Variants in MCF2L2 observed in about 807,000 individuals in gnomAD.
MCF2L2 encodes MCF.2 cell line derived transforming sequence-like 2.
A neutral mutation model predicts 150.2 loss-of-function variants in MCF2L2; 102 were observed. The observed-to-expected ratio is 0.68, with a 90% CI of 0.58 to 0.80. The LOEUF (loss-of-function observed/expected upper bound fraction) is 0.80, where lower values mean the gene tolerates loss of function less well. Ranked by LOEUF, MCF2L2 falls within the 30% of genes least tolerant of loss-of-function variation. The pLI is 0.00. For synonymous variants in MCF2L2, 465 were observed against 491.3 expected, an observed-to-expected ratio of 0.95 and a Z score of 0.71; for missense variants, 1,256 against 1,372.8, an observed-to-expected ratio of 0.91 and a Z score of 1.34.
intron 5 of MCF2L2, among the ~76,000 whole-genome samples, chr3:183,337,568 A>AAG (rs1553783551): frequency 6.0e-4 from 91 of 151,066 alleles, no homozygotes; most frequent in African/African-American, 2.1e-3. Flanking sequence ...AAAAAAAAAA[A>AAG]AAGAAGAAAA....
chr3:183,266,790 CTT>C (rs113393313), intron 15 of MCF2L2, among the ~76,000 whole-genome samples: 9 of 143,604 alleles, frequency 6.3e-5, no homozygotes, highest in Admixed American at 6.9e-5. Flanking sequence ...GTGTTTCAGT[CTT>C]TTTTTTTTTT....
intron 27 of MCF2L2, among the ~76,000 whole-genome samples, chr3:183,187,538 A>G (rs2653845): frequency 0.9 from 136,969 of 152,148 alleles, 61,756 homozygotes; most frequent in East Asian, 1. Flanking sequence ...GCATCATCTC[A>G]GCTCACTGCA....
intron 23 of MCF2L2, among the ~76,000 whole-genome samples, chr3:183,206,955 A>G (rs10937117): frequency 1.8e-3 from 124 of 68,404 alleles, no homozygotes; most frequent in African/African-American, 3.0e-3. Flanking sequence ...GGAAGGAAGG[A>G]AGGAAGGAAG....
Position 183,187,246 on chromosome 3 carries a change from C to A in MCF2L2, c.3016+5753G>T, listed in dbSNP as rs189460114. Reference sequence around the variant, plus strand: ...TGCTATACCGGATAGCTCCTAGGCCCCCTTGGAGACCCTGAGGTACCCGAC... The same window carrying A: ...TGCTATACCGGATAGCTCCTAGGCCACCTTGGAGACCCTGAGGTACCCGAC... On this transcript the variant is annotated intron_variant, in intron 27 of 29. Coordinates refer to ENST00000328913, the MANE Select transcript of MCF2L2 (RefSeq NM_015078.4). Among the ~76,000 whole-genome samples, 3 of 152,252 alleles carry A rather than the reference C, an allele frequency of 2.0e-5. No homozygotes were observed. In the East Asian group the frequency reaches 5.8e-4, roughly 29 times the overall value.
rs201920674 is a variant in MCF2L2 at position 183,295,344 on chromosome 3, G to A, written c.1631C>T (p.Ser544Leu). 6.2e-7 allele frequency: 1 copy of A among 1,612,948 alleles called. No homozygotes were observed. Among genetic ancestry groups the A allele is most frequent in the South Asian group, 1.1e-5 (1 of 90,912 alleles). ...GGTTTTTGATGACACCCATTTTGGTGAAGACTCAGGATGTGGGGCCACAGG... is the reference window on the plus strand; with the variant it reads ...GGTTTTTGATGACACCCATTTTGGTAAAGACTCAGGATGTGGGGCCACAGG... ...VQPVAPHPES[S>L]PKWVSSKTSQ... The change falls in exon 13 of 30, where the codon TCA becomes TTA. Residue 544 changes from serine (S) to leucine (L), a missense_variant. Coordinates refer to ENST00000328913, the MANE Select transcript of MCF2L2 (RefSeq NM_015078.4).
intron 1 of MCF2L2, among the ~76,000 whole-genome samples, chr3:183,420,805 C>T (rs368858238): frequency 6.6e-6 from 1 of 152,118 alleles, no homozygotes; most frequent in African/African-American, 2.4e-5. Context: ...CCATCAGAAC[C>T]CGTGAGAGCT....
intron 15 of MCF2L2, among the ~76,000 whole-genome samples, chr3:183,252,384 G>A (rs1724591840): frequency 6.6e-6 from 1 of 152,184 alleles, no homozygotes; most frequent in Non-Finnish European, 1.5e-5. Flanking sequence ...TCTGGGAGAT[G>A]CTGAGCCATG....
At chr3:183,301,014 CAAAAAAA>C (rs11388183) in intron 10 of MCF2L2, among the ~76,000 whole-genome samples, 24 of 65,650 alleles carry the variant, frequency 3.7e-4, no homozygotes, top group South Asian at 3.6e-3. Context: ...GACTCCATCT[CAAAAAAA>C]AAAAAAAAAA....
At chr3:183,268,535 C>T (rs1726383126) in intron 15 of MCF2L2, among the ~76,000 whole-genome samples, 1 of 151,654 alleles carries the variant, frequency 6.6e-6, no homozygotes, top group Admixed American at 6.6e-5. Flanking sequence ...AGATTTCAGG[C>T]ATAGATGAAA....
intron 12 of MCF2L2, 90 bp from the exon 13 acceptor site, chr3:183,295,567 C>T: frequency 7.8e-7 from 1 of 1,287,996 alleles, no homozygotes; most frequent in Non-Finnish European, 1.1e-6. Flanking sequence ...CCTTCCCCTA[C>T]TCCCCCCATC....
In MCF2L2 at chr3:183,181,395, G is replaced by A. The variant is rs1434229114; in HGVS notation, c.3017-1236C>T. ...GCCTGACTCTGGCAGGCTCCGAGGG[G>A]GCTGGACACCCTCCTCTCAGGTTGA... On this transcript the variant is annotated intron_variant, in intron 27 of 29. Coordinates refer to ENST00000328913, the MANE Select transcript of MCF2L2 (RefSeq NM_015078.4). This position sits in a 1 kb window ranked among gnomAD's most constrained non-coding sequence, Gnocchi z 4.3. 6.6e-6 allele frequency among the ~76,000 whole-genome samples: 1 copy of A among 152,082 alleles called. No homozygotes were observed.
intron 13 of MCF2L2, among the ~76,000 whole-genome samples, chr3:183,290,445 G>A (rs758133656): frequency 1.3e-5 from 2 of 152,156 alleles, no homozygotes; most frequent in Non-Finnish European, 2.9e-5. Flanking sequence ...ATTCTTATTT[G>A]TCACAGTCAC....
intron 22 of MCF2L2, among the ~76,000 whole-genome samples, chr3:183,211,262 C>A (rs1722711604): frequency 6.6e-6 from 1 of 152,128 alleles, no homozygotes. Context: ...CCTGGGTTTG[C>A]TCAGTTCCCA....
intron 27 of MCF2L2, among the ~76,000 whole-genome samples, chr3:183,192,287 C>T (rs1486642999): frequency 6.6e-6 from 1 of 152,080 alleles, no homozygotes; most frequent in Non-Finnish European, 1.5e-5. Flanking sequence ...TACAGGTGCA[C>T]ACCACCACGC....
chr3:183,388,667 G>T (rs1713965973), intron 2 of MCF2L2, among the ~76,000 whole-genome samples: 1 of 152,204 alleles, frequency 6.6e-6, no homozygotes, highest in Non-Finnish European at 1.5e-5. Flanking sequence ...GACTATGTGC[G>T]CAGTGACTGA....
rs535591353 is a variant in MCF2L2, at chr3:183,228,347, C to T, written c.2065G>A (p.Glu689Lys). 1.9e-6 allele frequency: 3 copies of T among 1,613,022 alleles called. No individual in the cohort carries two copies. The South Asian group carries it at 3.3e-5, about 18-fold the overall frequency. The change falls in exon 18 of 30, where the codon GAA becomes AAA. Residue 689 changes from glutamate (E) to lysine (K), a missense_variant. Physicochemically the swap from Glu to Lys is moderately conservative, Grantham distance 56 (BLOSUM62 1). Coordinates refer to ENST00000328913, the MANE Select transcript of MCF2L2 (RefSeq NM_015078.4). ...AGTTCAGGGTTCTCAGCACACTTTT[C>T]CAACTCTTTTAGAAAAGTCCTAGAA... ...FHNRTFLKEL[E>K]KCAENPELLA...
intron 15 of MCF2L2, among the ~76,000 whole-genome samples, chr3:183,276,125 A>T (rs1305574709): frequency 6.6e-6 from 1 of 152,110 alleles, no homozygotes; most frequent in Non-Finnish European, 1.5e-5. Flanking sequence ...ATTCATTATA[A>T]CTCCAGGAAC....
Position 183,270,985 on chromosome 3 carries a change from GA to G in MCF2L2, c.1862+5886del. 5 of 1,478,728 alleles carry G rather than the reference GA, an allele frequency of 3.4e-6. No homozygotes were observed. The highest frequency in any genetic ancestry group is 2.4e-5 in the Admixed American group (1 of 42,070). 91.6% of individuals were successfully genotyped at this position (1,478,728 alleles called of 1,614,324 possible). A position where few individuals can be genotyped will look rare whatever the true frequency, so the allele number is the denominator to read the frequency against. On this transcript the variant is annotated intron_variant, in intron 15 of 29. Coordinates refer to ENST00000328913, the MANE Select transcript of MCF2L2 (RefSeq NM_015078.4). The surrounding 1 kb of genome is among the most constrained non-coding windows in gnomAD (Gnocchi z 4.5). ...CACTGTCACTGAGTCAAACCTGGATGAAAAAAACCTTTAAATGTTCGTCTAT... is the reference window on the plus strand; with the variant it reads ...CACTGTCACTGAGTCAAACCTGGATGAAAAAACCTTTAAATGTTCGTCTAT...
chr3:183,326,499 AAAAAAAAAAAAAAAAAAC>A lies in MCF2L2; in HGVS notation c.487-3166_487-3149del, dbSNP rs944651359. 1.7e-4 allele frequency among the ~76,000 whole-genome samples: 22 copies of A among 132,146 alleles called. No homozygotes were observed. The South Asian group carries it at 4.6e-3, about 28-fold the overall frequency. 86.7% of individuals were successfully genotyped at this position (132,146 alleles called of 152,430 possible). A position where few individuals can be genotyped will look rare whatever the true frequency, so the allele number is the denominator to read the frequency against. On this transcript the variant is annotated intron_variant, in intron 5 of 29. Transcript: ENST00000328913. Reference sequence around the variant, plus strand: ...GAGAGTGAAACTCCGTCTCAAAAAAAAAAAAAAAAAAAAAAAACAAAAAAAAACCCACAAACCTTTTTA... The same window carrying A: ...GAGAGTGAAACTCCGTCTCAAAAAAAAAAAAAAAACCCACAAACCTTTTTA...
Sources: allele counts gnomAD v4.1 joint callset (sites outside exome capture counted in the v4.1 genomes callset), GRCh38; gene constraint gnomAD v4.1.1; non-coding constraint Gnocchi (gnomAD v3.1); transcripts MANE v1.5; gene names NCBI Gene and HGNC (gene_info 2026-07-23, HGNC 2026-07-21).